Variants in AQP9 observed in about 807,000 individuals in gnomAD.
AQP9 encodes the protein aquaporin 9.
Under a neutral mutation model 23.8 loss-of-function variants are expected in AQP9, and 19 were observed. The observed-to-expected ratio is 0.80, with a 90% CI of 0.56 to 1.17. The LOEUF is 1.17. Among genes scored for constraint, AQP9 ranks in the 50% most tolerant of loss-of-function variants. The pLI is 0.00. For missense variants in AQP9, 413 were observed against 362.0 expected (o/e 1.14, Z -1.14); for synonymous variants, 153 against 131.5 (o/e 1.16, Z -1.12).
intron 2 of AQP9, among the ~76,000 whole-genome samples, chr15:58,170,489 C>T (rs1898596094): frequency 6.6e-6 from 1 of 151,922 alleles, no homozygotes; most frequent in Non-Finnish European, 1.5e-5. Context: ...ATTGCAACCT[C>T]CGCCTCCCAG....
intron 5 of AQP9, among the ~76,000 whole-genome samples, chr15:58,181,660 G>A (rs191327911): frequency 6.6e-6 from 1 of 152,306 alleles, no homozygotes; most frequent in Admixed American, 6.5e-5. Context: ...CCCAGAATGA[G>A]AATTTTGGCT....
At chr15:58,161,750 C>T (rs149747694) in intron 1 of AQP9, among the ~76,000 whole-genome samples, 6 of 152,134 alleles carry the variant, frequency 3.9e-5, no homozygotes, top group Non-Finnish European at 4.4e-5. Flanking sequence ...CTTATTATTT[C>T]TCTTTGTTGT....
rs150119882 is a variant in AQP9, at chr15:58,167,078, C to T, written c.238+279C>T. ...CTGCATCTTATTCTCCACCAGTCAACGGGATTTTTTACTTGCTCTAGTCCA... is the reference window on the plus strand; with the variant it reads ...CTGCATCTTATTCTCCACCAGTCAATGGGATTTTTTACTTGCTCTAGTCCA... On this transcript the variant is annotated intron_variant, in intron 2 of 5. Coordinates refer to ENST00000219919, the MANE Select transcript of AQP9 (RefSeq NM_020980.5). Among the ~76,000 whole-genome samples the T allele has an allele frequency of 1.6e-3, 250 of 152,316 alleles. 1 individual carries two copies. Among genetic ancestry groups the T allele is most frequent in the African/African-American group, 5.7e-3 (239 of 41,566 alleles).
At chr15:58,162,451 G>A (rs1210047009) in intron 1 of AQP9, among the ~76,000 whole-genome samples, 1 of 152,146 alleles carries the variant, frequency 6.6e-6, no homozygotes, top group Non-Finnish European at 1.5e-5. Flanking sequence ...CCAACCACAG[G>A]AACAATGAAA....
At chr15:58,175,143 C>A in intron 4 of AQP9, 107 bp downstream of exon 4, 1 of 1,099,084 alleles carries the variant, frequency 9.1e-7, no homozygotes, top group Non-Finnish European at 1.3e-6. Context: ...ATTATATTTC[C>A]AAAGGCAGAG....
chr15:58,174,476 A>G (rs1355852763), intron 3 of AQP9, among the ~76,000 whole-genome samples: 1 of 152,134 alleles, frequency 6.6e-6, no homozygotes, highest in Non-Finnish European at 1.5e-5. Context: ...AGTGGCTGCA[A>G]TACCCCTGGC....
intron 1 of AQP9, among the ~76,000 whole-genome samples, chr15:58,157,691 C>T (rs528398430): frequency 6.6e-6 from 1 of 152,200 alleles, no homozygotes; most frequent in African/African-American, 2.4e-5. Context: ...TGAGAGAGAA[C>T]AAGAGAGGAA....
intron 1 of AQP9, among the ~76,000 whole-genome samples, chr15:58,142,452 G>C (rs1273546748): frequency 6.6e-6 from 1 of 152,188 alleles, no homozygotes; most frequent in Non-Finnish European, 1.5e-5. Context: ...TGATTTTACA[G>C]AACAGACGTG....
At chr15:58,175,466 C>T (rs1409421418) in intron 4 of AQP9, among the ~76,000 whole-genome samples, 2 of 152,232 alleles carry the variant, frequency 1.3e-5, no homozygotes, top group Non-Finnish European at 2.9e-5. Flanking sequence ...TCACCATGTG[C>T]ATAGGTTTAT....
intron 1 of AQP9, among the ~76,000 whole-genome samples, chr15:58,157,126 T>G (rs894191480): frequency 2.0e-5 from 3 of 152,216 alleles, no homozygotes; most frequent in African/African-American, 7.2e-5. Context: ...TTATAAATAT[T>G]TGCATCATTT....
chr15:58,138,270 T>A, upstream of AQP9: 1 of 190,166 alleles, frequency 5.3e-6, no homozygotes, highest in African/African-American at 2.3e-5. Context: ...AAAAAGTACC[T>A]TGAGAATAAA....
intron 1 of AQP9, among the ~76,000 whole-genome samples, chr15:58,165,391 G>A (rs147096447): frequency 2.4e-4 from 36 of 152,158 alleles, no homozygotes; most frequent in Admixed American, 1.0e-3. Flanking sequence ...GAAAACAGAT[G>A]GGTTTTAAAA....
At chr15:58,169,721 C>G (rs1033083155) in intron 2 of AQP9, among the ~76,000 whole-genome samples, 1 of 152,168 alleles carries the variant, frequency 6.6e-6, no homozygotes, top group African/African-American at 2.4e-5. Flanking sequence ...GTTACAGCAT[C>G]CTGCTCCCCT....
Position 58,173,072 on chromosome 15 carries a change from T to G in AQP9, c.243T>G (p.Gly81=). ...AIYVAGGVSG[G]HINPAVSLAM... The stretch of plus-strand genomic sequence containing the variant: ...TTCTCCAATCTTCCCTTGCAGGTGG[T>G]CACATCAACCCAGCTGTGTCTTTAG... The change falls in exon 3 of 6, where the codon GGT becomes GGG. Residue 81 remains glycine, a synonymous_variant. Coordinates refer to ENST00000219919, the MANE Select transcript of AQP9 (RefSeq NM_020980.5). 6.2e-7 allele frequency: 1 copy of G among 1,613,950 alleles called. No individual in the cohort carries two copies. Among genetic ancestry groups the G allele is most frequent in the Non-Finnish European group, 8.5e-7 (1 of 1,179,824 alleles).
intron 4 of AQP9, among the ~76,000 whole-genome samples, 166 bp from the exon 5 acceptor site, chr15:58,178,960 GAC>G (rs1898818117): frequency 6.6e-6 from 1 of 152,208 alleles, no homozygotes; most frequent in Non-Finnish European, 1.5e-5. Flanking sequence ...AAAGAAGAGA[GAC>G]TGGCACAATT....
rs749252837 is a variant in AQP9, at chr15:58,179,303, G to C, written c.671G>C (p.Arg224Thr). The change falls in exon 5 of 6, where the codon AGA becomes ACA. Residue 224 changes from arginine to threonine, a missense_variant. Coordinates refer to ENST00000219919, the MANE Select transcript of AQP9 (RefSeq NM_020980.5). ...AMNPARDLSPRLFTALAGWGF... is the reference protein window; with the variant it reads ...AMNPARDLSPTLFTALAGWGF... ...AACCCAGCTCGAGACCTGAGTCCCA[G>C]ACTTTTCACTGCCTTGGCAGGCTGG... 3.1e-6 allele frequency: 5 copies of C among 1,613,906 alleles called. No homozygotes were observed. In the South Asian group the frequency reaches 5.5e-5, roughly 18 times the overall value.
intron 2 of AQP9, among the ~76,000 whole-genome samples, chr15:58,170,186 G>A (rs1158682261): frequency 3.3e-5 from 5 of 152,044 alleles, no homozygotes; most frequent in Non-Finnish European, 5.9e-5. Flanking sequence ...TCATCTCTGC[G>A]GGGAGAAATT....
chr15:58,168,988 C>T (rs1226846187), intron 2 of AQP9, among the ~76,000 whole-genome samples: 3 of 152,166 alleles, frequency 2.0e-5, no homozygotes, highest in Non-Finnish European at 2.9e-5. Context: ...CCTACCACTG[C>T]TGTTAACACC....
At chr15:58,167,808 C>T (rs1898541000) in intron 2 of AQP9, among the ~76,000 whole-genome samples, 2 of 152,228 alleles carry the variant, frequency 1.3e-5, no homozygotes, top group Admixed American at 6.5e-5. Flanking sequence ...CTGCAACCTA[C>T]ACCTCCTGGG....
Sources: allele counts gnomAD v4.1 joint callset (sites outside exome capture counted in the v4.1 genomes callset), GRCh38; gene constraint gnomAD v4.1.1; transcripts MANE v1.5; gene names NCBI Gene and HGNC (gene_info 2026-07-23, HGNC 2026-07-21).